The following UTS2B variants were observed in gnomAD, a reference collection of about 807,000 sequenced individuals.
UTS2B encodes the protein urotensin-2B.
In UTS2B, 21 loss-of-function variants were observed where a neutral mutation model predicts 19.2. That is an observed-to-expected ratio of 1.09 (90% CI 0.78 to 1.58). The LOEUF is 1.58. Ranked by LOEUF, UTS2B falls within the 40% of genes most tolerant of loss-of-function variation. The probability of loss-of-function intolerance (pLI) is 0.00; values close to 1 mark genes in which losing one functional copy is unlikely to be tolerated. For missense variants in UTS2B, 138 were observed against 130.3 expected (o/e 1.06, Z -0.29); for synonymous variants, 57 against 50.2 (o/e 1.14, Z -0.58).
intron 4 of UTS2B, among the ~76,000 whole-genome samples, chr3:191,293,195 A>G (rs1387194323): frequency 1.7e-5 from 2 of 118,930 alleles, no homozygotes; most frequent in South Asian, 2.6e-4. Flanking sequence ...TATTTATAAG[A>G]GATGCTCTGT....
intron 3 of UTS2B, among the ~76,000 whole-genome samples, chr3:191,305,458 C>T (rs1199074293): frequency 6.6e-6 from 1 of 152,250 alleles, no homozygotes; most frequent in Non-Finnish European, 1.5e-5. Context: ...TGGCCACATG[C>T]ATGTCTTCTT....
upstream of UTS2B, among the ~76,000 whole-genome samples, chr3:191,332,580 A>G (rs144793948): frequency 2.0e-4 from 30 of 152,350 alleles, no homozygotes; most frequent in African/African-American, 7.0e-4. Flanking sequence ...GTAGGTCTAT[A>G]ACTGAAATGC....
chr3:191,325,336 T>TA (rs11384754), intron 2 of UTS2B, among the ~76,000 whole-genome samples: 38,863 of 151,886 alleles, frequency 0.26, 6,181 homozygotes, highest in East Asian at 0.45. Context: ...GGCAATAAGA[T>TA]AAAAACCATG....
intron 4 of UTS2B, among the ~76,000 whole-genome samples, chr3:191,285,816 T>G (rs2631670): frequency 6.6e-6 from 1 of 151,446 alleles, no homozygotes; most frequent in Non-Finnish European, 1.5e-5. Context: ...GGGGAATCAA[T>G]TGAACCCAGG....
intron 4 of UTS2B, among the ~76,000 whole-genome samples, chr3:191,304,047 G>A (rs1308060370): frequency 6.6e-6 from 1 of 151,774 alleles, no homozygotes; most frequent in East Asian, 1.9e-4. Context: ...TCGGCTCACT[G>A]CAACCTCCGC....
At chr3:191,309,486 CTA>C (rs1291014504) in intron 3 of UTS2B, among the ~76,000 whole-genome samples, 1 of 152,028 alleles carries the variant, frequency 6.6e-6, no homozygotes, top group Non-Finnish European at 1.5e-5. Context: ...TTGTTTTAGA[CTA>C]TGTTTTCAAT....
At chr3:191,280,024 C>T (rs1046952272) in intron 5 of UTS2B, among the ~76,000 whole-genome samples, 1 of 151,958 alleles carries the variant, frequency 6.6e-6, no homozygotes, top group Non-Finnish European at 1.5e-5. Flanking sequence ...CAAAAGATGG[C>T]AAAGCTGCTC....
chr3:191,329,902 T>G (rs1429425357), intron 1 of UTS2B, among the ~76,000 whole-genome samples: 1 of 129,130 alleles, frequency 7.7e-6, no homozygotes, highest in Non-Finnish European at 1.6e-5. Flanking sequence ...GTTGGGCAAG[T>G]CTCCGACGTT....
At chr3:191,319,670 C>A (rs548655331) in intron 2 of UTS2B, among the ~76,000 whole-genome samples, 75 of 146,858 alleles carry the variant, frequency 5.1e-4, no homozygotes, top group African/African-American at 1.8e-3. Flanking sequence ...CCAGCCTGGC[C>A]AACGTGGTGA....
chr3:191,268,686 G>A (rs1411470428), intron 8 of UTS2B, among the ~76,000 whole-genome samples: 8 of 152,076 alleles, frequency 5.3e-5, no homozygotes, highest in Admixed American at 2.6e-4. Flanking sequence ...CTACCACAAT[G>A]GACAGTACAA....
Position 191,268,405 on chromosome 3 carries a change from G to A in UTS2B, c.*11C>T, listed in dbSNP as rs748409494. ...ATATTCTTATCTTTTTTTGCATCCA[G>A]AGAAAAAGCTTTAAACACAGTATTT... On this transcript the variant is annotated 3_prime_UTR_variant, in exon 9 of 9. Coordinates refer to ENST00000340524, the MANE Select transcript of UTS2B (RefSeq NM_198152.5). The A allele has an allele frequency of 3.9e-6, 6 of 1,555,174 alleles. No individual in the cohort carries two copies. Among genetic ancestry groups the A allele is most frequent in the East Asian group, 4.5e-5 (2 of 44,044 alleles).
At chr3:191,320,172 A>G (rs904157711) in intron 2 of UTS2B, among the ~76,000 whole-genome samples, 2 of 152,182 alleles carry the variant, frequency 1.3e-5, no homozygotes, top group South Asian at 4.1e-4. Flanking sequence ...ATGGAATGAC[A>G]GATTGGATTG....
the UTS2B span, among the ~76,000 whole-genome samples, chr3:191,338,648 G>T: frequency 6.6e-6 from 1 of 152,198 alleles, no homozygotes; most frequent in Non-Finnish European, 1.5e-5. Context: ...GTCTTTGGTG[G>T]ATCCACAAAT....
intron 1 of UTS2B, among the ~76,000 whole-genome samples, chr3:191,329,944 G>GTA (rs1466208528): frequency 3.4e-5 from 1 of 29,194 alleles, no homozygotes; most frequent in African/African-American, 5.2e-4. Context: ...GGGGTGGTTG[G>GTA]GGGGGGGGGG....
In UTS2B at chr3:191,267,586, C is replaced by G. The variant is rs1180197749; in HGVS notation, c.*830G>C. On this transcript the variant is annotated 3_prime_UTR_variant, in exon 9 of 9. Transcript: ENST00000340524. The stretch of plus-strand genomic sequence containing the variant: ...TGAAAGCTGGGTCCAGGGGGGTCAC[C>G]ACCTTCTGGTCCCATGGTGCCAACA... The G allele has an allele frequency of 6.6e-6, 1 of 152,132 alleles. No homozygotes were observed. Among genetic ancestry groups the G allele is most frequent in the African/African-American group, 2.4e-5 (1 of 41,424 alleles). The allele number at this position is 152,132 out of a possible 1,614,324, so 9.4% of individuals were successfully genotyped here.
In UTS2B at chr3:191,270,544, G is replaced by T. The variant is rs572687784; in HGVS notation, c.335-2103C>A. ...TACTTTCTTAAAAATAAACAAAAAAGGTTTTTTTTTTATGCTTTCAAATCA... is the reference window on the plus strand; with the variant it reads ...TACTTTCTTAAAAATAAACAAAAAATGTTTTTTTTTTATGCTTTCAAATCA... On this transcript the variant is annotated intron_variant, in intron 8 of 8. Transcript: ENST00000340524. Among the ~76,000 whole-genome samples, 227 of 151,974 alleles carry T rather than the reference G, an allele frequency of 1.5e-3. 1 individual carries two copies. Among genetic ancestry groups the T allele is most frequent in the African/African-American group, 5.2e-3 (216 of 41,428 alleles).
chr3:191,331,143 G>C (rs2018996), upstream of UTS2B, among the ~76,000 whole-genome samples: 40,795 of 151,932 alleles, frequency 0.27, 5,747 homozygotes, highest in Admixed American at 0.32. Context: ...TTTTTGTGTG[G>C]GTATGTGTTG....
At chr3:191,280,209 G>C (rs988752687) in intron 5 of UTS2B, among the ~76,000 whole-genome samples, 4 of 152,080 alleles carry the variant, frequency 2.6e-5, no homozygotes, top group Admixed American at 1.3e-4. Flanking sequence ...CTCCCAAAAC[G>C]ATTAAATTCA....
intron 5 of UTS2B, among the ~76,000 whole-genome samples, chr3:191,281,706 G>A: frequency 7.3e-6 from 1 of 136,724 alleles, no homozygotes; most frequent in Non-Finnish European, 1.6e-5. Flanking sequence ...CTTGTAAGAT[G>A]AAAATCTCCT....
Sources: allele counts gnomAD v4.1 joint callset (sites outside exome capture counted in the v4.1 genomes callset), GRCh38; gene constraint gnomAD v4.1.1; transcripts MANE v1.5; gene names NCBI Gene and HGNC (gene_info 2026-07-23, HGNC 2026-07-21).